Variants in KLF17 observed in about 807,000 individuals in gnomAD.
KLF17 encodes Krueppel-like factor 17.
A neutral mutation model predicts 34.2 loss-of-function variants in KLF17; 31 were observed. That is an observed-to-expected ratio of 0.91 (90% CI 0.68 to 1.22). KLF17 has a LOEUF of 1.22. Among genes scored for constraint, KLF17 ranks in the 50% most tolerant of loss-of-function variants. KLF17 has a pLI of 0.00. For missense variants in KLF17, 478 were observed against 505.2 expected (o/e 0.95, Z 0.52); for synonymous variants, 179 against 186.7 (o/e 0.96, Z 0.34).
At chr1:44,124,842 G>T (rs968697878) in intron 1 of KLF17, among the ~76,000 whole-genome samples, 1 of 151,920 alleles carries the variant, frequency 6.6e-6, no homozygotes, top group East Asian at 1.9e-4. Flanking sequence ...TTGCCATGGG[G>T]ATTACATTTG....
chr1:44,125,646 T>G (rs908108810), intron 1 of KLF17, among the ~76,000 whole-genome samples: 3 of 152,138 alleles, frequency 2.0e-5, no homozygotes, highest in Admixed American at 6.5e-5. Context: ...TTTTGTATTT[T>G]TAGTTGAGAC....
intron 1 of KLF17, among the ~76,000 whole-genome samples, chr1:44,128,565 C>A (rs1472713696): frequency 6.6e-6 from 1 of 152,136 alleles, no homozygotes; most frequent in Non-Finnish European, 1.5e-5. Context: ...CCAGGCAGTT[C>A]CCACTCAGGG....
chr1:44,124,360 C>A (rs1322119887), intron 1 of KLF17, among the ~76,000 whole-genome samples: 1 of 148,936 alleles, frequency 6.7e-6, no homozygotes, highest in Non-Finnish European at 1.5e-5. Flanking sequence ...GACAGAGTCT[C>A]GCTGTGTTGC....
At chr1:44,123,908 A>G (rs1204226021) in intron 1 of KLF17, among the ~76,000 whole-genome samples, 3 of 151,620 alleles carry the variant, frequency 2.0e-5, no homozygotes, top group Admixed American at 1.3e-4. Flanking sequence ...GATACTTTGT[A>G]TGATACCTTT....
At chr1:44,107,137 TC>T in the KLF17 span, 1 of 152,098 alleles carries the variant, frequency 6.6e-6, no homozygotes, top group Non-Finnish European at 1.5e-5. Context: ...AAAGTCTCGC[TC>T]TTGTTCCCCA....
chr1:44,117,904 C>A (rs1035337841), upstream of KLF17, among the ~76,000 whole-genome samples: 1 of 152,168 alleles, frequency 6.6e-6, no homozygotes, highest in Non-Finnish European at 1.5e-5. Context: ...ACATCAAATT[C>A]CTGTTTAAAA....
upstream of KLF17, among the ~76,000 whole-genome samples, chr1:44,116,210 A>G (rs577290286): frequency 6.6e-6 from 1 of 152,270 alleles, no homozygotes; most frequent in African/African-American, 2.4e-5. Flanking sequence ...GAGCTGAGCC[A>G]TTGTTAGCCA....
At chr1:44,099,850 AAAGAAAGAAAGAAAG>A in the KLF17 span, among the ~76,000 whole-genome samples, 1 of 49,044 alleles carries the variant, frequency 2.0e-5, no homozygotes, top group African/African-American at 8.1e-5. Flanking sequence ...AGAAAGAAAG[AAAGAAAGAAAGAAAG>A]AAAGAAAGAA....
At chr1:44,056,803 G>A in the KLF17 span, among the ~76,000 whole-genome samples, 4 of 152,070 alleles carry the variant, frequency 2.6e-5, no homozygotes, top group Admixed American at 2.0e-4. Flanking sequence ...AGTTTACCTT[G>A]GGACAACAAT....
chr1:44,090,699 G>C, the KLF17 span, among the ~76,000 whole-genome samples: 1 of 152,242 alleles, frequency 6.6e-6, no homozygotes, highest in East Asian at 1.9e-4. Flanking sequence ...TAGCCTCAAG[G>C]AGACAACCTC....
chr1:44,084,340 T>A, the KLF17 span, among the ~76,000 whole-genome samples: 1 of 152,114 alleles, frequency 6.6e-6, no homozygotes, highest in Non-Finnish European at 1.5e-5. Context: ...AGGGTTATGA[T>A]CACTGTTGAA....
intron 1 of KLF17, chr1:44,122,334 A>G: frequency 1.9e-6 from 3 of 1,604,686 alleles, no homozygotes; most frequent in Non-Finnish European, 2.6e-6. Flanking sequence ...ATTTCCTCGA[A>G]TACTCAGCGT....
upstream of KLF17, among the ~76,000 whole-genome samples, chr1:44,116,488 C>G (rs1050711367): frequency 6.6e-6 from 1 of 152,302 alleles, no homozygotes; most frequent in Non-Finnish European, 1.5e-5. Context: ...AACATGCCCT[C>G]CCTTAACTGC....
the KLF17 span, among the ~76,000 whole-genome samples, chr1:44,090,940 A>G: frequency 5.0e-5 from 7 of 141,004 alleles, no homozygotes; most frequent in Non-Finnish European, 9.4e-5. Flanking sequence ...ACACGCACAC[A>G]CACACACACA....
chr1:44,123,549 T>C (rs771012276), intron 1 of KLF17, among the ~76,000 whole-genome samples: 17 of 152,214 alleles, frequency 1.1e-4, no homozygotes, highest in Non-Finnish European at 2.1e-4. Flanking sequence ...GGCAATGTTG[T>C]TAATCTTTCC....
At chr1:44,060,749 A>G in the KLF17 span, among the ~76,000 whole-genome samples, 1,182 of 152,296 alleles carry the variant, frequency 7.8e-3, 16 homozygotes, top group African/African-American at 0.027. Flanking sequence ...TTAGCCACCA[A>G]TAGCGGTCAG....
intron 1 of KLF17, 109 bp downstream of exon 1, chr1:44,119,097 G>T: frequency 1.4e-6 from 1 of 725,724 alleles, no homozygotes; most frequent in Non-Finnish European, 2.1e-6. Flanking sequence ...AAACCCGAGG[G>T]GTAGAAATCC....
At chr1:44,104,141 C>T in the KLF17 span, 10 of 1,049,558 alleles carry the variant, frequency 9.5e-6, no homozygotes, top group Admixed American at 1.5e-4. Context: ...CCAGGCCAGA[C>T]TCCAGCTCTA....
chr1:44,119,307 G>A (rs554157814), intron 1 of KLF17, among the ~76,000 whole-genome samples: 13 of 151,810 alleles, frequency 8.6e-5, no homozygotes, highest in Non-Finnish European at 1.5e-4. Flanking sequence ...TGTGTTGGCC[G>A]CGTGGCGGGT....
Sources: gnomAD v4.1 joint callset for allele counts (sites outside exome capture counted in the v4.1 genomes callset) on GRCh38, gnomAD v4.1.1 for gene constraint, MANE v1.5 for transcripts, NCBI Gene and HGNC (gene_info 2026-07-23, HGNC 2026-07-21) for gene names.